The following CAMTA1 variants were observed in gnomAD, a reference collection of about 807,000 sequenced individuals.
CAMTA1 encodes calmodulin-binding transcription activator 1.
A neutral mutation model predicts 170.9 loss-of-function variants in CAMTA1; 27 were observed. That is an observed-to-expected ratio of 0.16 (90% CI 0.12 to 0.22). The LOEUF (loss-of-function observed/expected upper bound fraction) is 0.22. Among genes scored for constraint, CAMTA1 ranks in the 10% least tolerant of loss-of-function variants. The pLI is 1.00. For synonymous variants in CAMTA1, 833 were observed against 891.5 expected (o/e 0.93, Z 1.17); for missense variants, 1,619 against 2,217.2 (o/e 0.73, Z 5.42).
chr1:7,115,855 T>C (rs1333006773), intron 4 of CAMTA1, among the ~76,000 whole-genome samples: 1 of 152,108 alleles, frequency 6.6e-6, no homozygotes, highest in Admixed American at 6.5e-5. Context: ...GAGGGGCAGC[T>C]TTTGCTTTTA....
At chr1:6,810,708 G>A (rs1044878467) in intron 1 of CAMTA1, among the ~76,000 whole-genome samples, 2 of 152,162 alleles carry the variant, frequency 1.3e-5, no homozygotes, top group Non-Finnish European at 2.9e-5. Context: ...CGGAGGCTGA[G>A]GCAGGAGAAT....
intron 3 of CAMTA1, among the ~76,000 whole-genome samples, chr1:7,080,843 C>T (rs553572518): frequency 6.3e-4 from 96 of 152,310 alleles, no homozygotes; most frequent in African/African-American, 2.2e-3. Context: ...GACTTTCTAG[C>T]TAGTAGAAGG....
At chr1:7,581,823 C>A (rs983377240) in intron 6 of CAMTA1, among the ~76,000 whole-genome samples, 14 of 152,212 alleles carry the variant, frequency 9.2e-5, no homozygotes, top group Non-Finnish European at 2.1e-4. Context: ...GTTTCTAACT[C>A]TGTACTGAGG....
chr1:7,583,948 C>T (rs1557956293), intron 6 of CAMTA1, among the ~76,000 whole-genome samples: 1 of 152,160 alleles, frequency 6.6e-6, no homozygotes, highest in Non-Finnish European at 1.5e-5. Flanking sequence ...GGACCCTGAG[C>T]TCTGACGGGT....
In CAMTA1 at chr1:6,975,104, G is replaced by C. The variant is rs573125367; in HGVS notation, c.235-116200G>C. Among the ~76,000 whole-genome samples, 8 of 152,284 alleles carry C rather than the reference G, an allele frequency of 5.3e-5. No homozygotes were observed. The South Asian group carries it at 1.7e-3, about 32-fold the overall frequency. ...GTTTTCTGGGGGAGGATGCTGCAGG[G>C]CTGAGATGACGGGGCCTGCCTCGAG... On this transcript the variant is annotated intron_variant, in intron 3 of 22. Transcript: ENST00000303635.
At position 7,102,622 on chromosome 1, in the gene CAMTA1, A is replaced by G. The variant is rs183904122; in HGVS notation, c.302+11251A>G. ...ATGGAGGAGGGAAAACAGATGAGAC[A>G]CTTTTGCTTCTCCCCAGGAGCACAG... On this transcript the variant is annotated intron_variant, in intron 4 of 22. Coordinates refer to ENST00000303635, the MANE Select transcript of CAMTA1 (RefSeq NM_015215.4). Among the ~76,000 whole-genome samples the G allele has an allele frequency of 3.8e-3, 584 of 152,290 alleles. 2 individuals are homozygous for G. The highest frequency in any genetic ancestry group is 0.014 in the African/African-American group (561 of 41,542).
At position 7,064,784 on chromosome 1, in the gene CAMTA1, C is replaced by T. The variant is rs1708753256; in HGVS notation, c.235-26520C>T. 6.6e-6 allele frequency among the ~76,000 whole-genome samples: 1 copy of T among 151,772 alleles called. No individual in the cohort carries two copies. Among genetic ancestry groups the T allele is most frequent in the Admixed American group, 6.6e-5 (1 of 15,254 alleles). On this transcript the variant is annotated intron_variant, in intron 3 of 22. Transcript: ENST00000303635. This position sits in a 1 kb window ranked among gnomAD's most constrained non-coding sequence, Gnocchi z 5.4. Reference sequence around the variant, plus strand: ...AGTCCCATTCGGGGCATGGTGGGGGCTGTAGGAGGACAGAGGAGTCCATGG... The same window carrying T: ...AGTCCCATTCGGGGCATGGTGGGGGTTGTAGGAGGACAGAGGAGTCCATGG...
Position 7,456,814 on chromosome 1 carries a change from T to A in CAMTA1, c.439-11016T>A, listed in dbSNP as rs936528705. On this transcript the variant is annotated intron_variant, in intron 5 of 22. Transcript: ENST00000303635. The surrounding 1 kb of genome is among the most constrained non-coding windows in gnomAD (Gnocchi z 4.9). The stretch of plus-strand genomic sequence containing the variant: ...GGGCCCATGTGGGCCTGGCTGAACG[T>A]CCTCAGAGGGTGGGAAAACAGGCAG... Among the ~76,000 whole-genome samples, 6 of 152,172 alleles carry A rather than the reference T, an allele frequency of 3.9e-5. No homozygotes were observed. Among genetic ancestry groups the A allele is most frequent in the Non-Finnish European group, 8.8e-5 (6 of 68,014 alleles).
intron 4 of CAMTA1, among the ~76,000 whole-genome samples, chr1:7,200,508 GT>G (rs1187883178): frequency 6.6e-6 from 1 of 152,184 alleles, no homozygotes; most frequent in Non-Finnish European, 1.5e-5. Context: ...GGCGCATTTA[GT>G]TCCAGTTTCT....
rs531056911 is a variant in CAMTA1, at chr1:7,735,712, G to A, written c.3067-632G>A. Among the ~76,000 whole-genome samples the A allele has an allele frequency of 2.0e-5, 3 of 152,300 alleles. No homozygotes were observed. In the South Asian group the frequency reaches 6.2e-4, roughly 32 times the overall value. On this transcript the variant is annotated intron_variant, in intron 12 of 22. Coordinates refer to ENST00000303635, the MANE Select transcript of CAMTA1 (RefSeq NM_015215.4). Reference sequence around the variant, plus strand: ...GACTTCAGAGAAGTGCTACTGAGCTGAAGCTAAGCACATTCTAGTCTCAAT... The same window carrying A: ...GACTTCAGAGAAGTGCTACTGAGCTAAAGCTAAGCACATTCTAGTCTCAAT...
chr1:7,266,431 C>T lies in CAMTA1; in HGVS notation c.438+16805C>T, dbSNP rs1171855745. The stretch of plus-strand genomic sequence containing the variant: ...AGACAAAGGGATGTCTGCCATTTAT[C>T]AGTTGATGGTTAATAATTTAATTCT... On this transcript the variant is annotated intron_variant, in intron 5 of 22. Transcript: ENST00000303635. 4.4e-4 allele frequency among the ~76,000 whole-genome samples: 67 copies of T among 152,210 alleles called. 2 individuals are homozygous for T. The highest frequency in any genetic ancestry group is 2.9e-5 in the Non-Finnish European group (2 of 68,032).
At chr1:7,481,901 G>A (rs2093543791) in intron 6 of CAMTA1, among the ~76,000 whole-genome samples, 1 of 151,254 alleles carries the variant, frequency 6.6e-6, no homozygotes, top group Non-Finnish European at 1.5e-5. Flanking sequence ...CGATGCGTGC[G>A]TCAGTCATAC....
chr1:7,276,913 A>G (rs1013657881), intron 5 of CAMTA1, among the ~76,000 whole-genome samples: 1 of 152,274 alleles, frequency 6.6e-6, no homozygotes, highest in Non-Finnish European at 1.5e-5. Flanking sequence ...ATATTTTCAC[A>G]TATTTGCAAT....
intron 4 of CAMTA1, among the ~76,000 whole-genome samples, chr1:7,136,155 G>A (rs771024822): frequency 6.6e-6 from 1 of 152,172 alleles, no homozygotes; most frequent in Admixed American, 6.5e-5. Context: ...ATATCATGTG[G>A]TCTCCTCTTT....
At chr1:7,334,449 C>T (rs991186811) in intron 5 of CAMTA1, among the ~76,000 whole-genome samples, 30 of 152,214 alleles carry the variant, frequency 2.0e-4, no homozygotes, top group Admixed American at 1.8e-3. Context: ...GATGCGGAAA[C>T]GGAATTTCTG....
intron 3 of CAMTA1, among the ~76,000 whole-genome samples, chr1:6,962,483 C>G (rs1690621332): frequency 6.6e-6 from 1 of 151,682 alleles, no homozygotes; most frequent in Admixed American, 6.6e-5. Context: ...CCCTGCCAGC[C>G]CCGCCCCCTC....
At chr1:7,451,810 C>T (rs1014583217) in intron 5 of CAMTA1, among the ~76,000 whole-genome samples, 1 of 152,216 alleles carries the variant, frequency 6.6e-6, no homozygotes, top group Non-Finnish European at 1.5e-5. Flanking sequence ...CTCAGCTCCC[C>T]TGGTTTCCTC....
intron 5 of CAMTA1, among the ~76,000 whole-genome samples, chr1:7,338,199 C>T (rs2083537825): frequency 6.6e-6 from 1 of 152,068 alleles, no homozygotes; most frequent in African/African-American, 2.4e-5. Flanking sequence ...CTTTGGTACT[C>T]ACCCAGCACC....
chr1:7,415,217 GA>G (rs1165816217), intron 5 of CAMTA1, among the ~76,000 whole-genome samples: 2 of 151,936 alleles, frequency 1.3e-5, no homozygotes, highest in South Asian at 2.1e-4. Context: ...GTGTGGTGCT[GA>G]AAAAAATGTA....
Sources: gnomAD v4.1 joint callset for allele counts (sites outside exome capture counted in the v4.1 genomes callset) on GRCh38, gnomAD v4.1.1 for gene constraint, Gnocchi (gnomAD v3.1) non-coding constraint, MANE v1.5 for transcripts, NCBI Gene and HGNC (gene_info 2026-07-23, HGNC 2026-07-21) for gene names.